PAK6: variants seen among roughly 807,000 people sequenced by gnomAD.
The protein encoded by PAK6 is serine/threonine-protein kinase PAK 6.
Under a neutral mutation model 60.8 loss-of-function variants are expected in PAK6, and 33 were observed. The observed-to-expected ratio is 0.54, with a 90% CI of 0.41 to 0.73. The LOEUF (loss-of-function observed/expected upper bound fraction) is 0.73, where lower values mean the gene tolerates loss of function less well. Ranked by LOEUF, PAK6 falls within the 30% of genes least tolerant of loss-of-function variation. The pLI is 0.00. For missense variants in PAK6, 845 were observed against 904.1 expected (o/e 0.93, Z 0.84); for synonymous variants, 404 against 378.5 (o/e 1.07, Z -0.78).
intron 2 of PAK6, among the ~76,000 whole-genome samples, chr15:40,248,298 C>T (rs2038552739): frequency 6.6e-6 from 1 of 152,174 alleles, no homozygotes; most frequent in African/African-American, 2.4e-5. Flanking sequence ...ATGGGTGGTC[C>T]CATCAGGGTG....
chr15:40,254,656 C>T (rs1435894355), intron 3 of PAK6, among the ~76,000 whole-genome samples: 1 of 152,212 alleles, frequency 6.6e-6, no homozygotes, highest in East Asian at 1.9e-4. Context: ...GGTCACTTGA[C>T]TTCTCTGGGC....
At chr15:40,242,069 C>T (rs1292884313) in intron 2 of PAK6, among the ~76,000 whole-genome samples, 1 of 152,142 alleles carries the variant, frequency 6.6e-6, no homozygotes, top group Non-Finnish European at 1.5e-5. Context: ...ACTAGGTAGA[C>T]AGCAGGCCAG....
At chr15:40,258,787 C>A (rs1595581917) in intron 3 of PAK6, 1 of 144,110 alleles carries the variant, frequency 6.9e-6, no homozygotes, top group African/African-American at 2.5e-5. Context: ...GGGCTGGACC[C>A]TTCCCTCCCA....
At chr15:40,252,584 G>A (rs1191599217) in intron 2 of PAK6, 11 of 1,357,138 alleles carry the variant, frequency 8.1e-6, no homozygotes, top group Non-Finnish European at 1.1e-5. Flanking sequence ...CTGCACCAAC[G>A]TGTAAGCGCG....
intron 2 of PAK6, among the ~76,000 whole-genome samples, chr15:40,248,270 T>G (rs1016522161): frequency 4.6e-5 from 7 of 152,090 alleles, no homozygotes; most frequent in Non-Finnish European, 1.0e-4. Context: ...TCCCTCTTGG[T>G]CCCATCAGCA....
chr15:40,272,681 A>G, exon 6 of PAK6: 2 of 1,602,174 alleles, frequency 1.2e-6, no homozygotes, highest in South Asian at 1.1e-5. Context: ...AAGATGATGG[A>G]CCTCAGGAAG....
intron 2 of PAK6, chr15:40,251,203 T>C (rs1019546317): frequency 6.6e-6 from 1 of 152,112 alleles, no homozygotes; most frequent in Non-Finnish European, 1.5e-5. Context: ...TAAATATGTG[T>C]TGGGGATGTT....
intron 3 of PAK6, among the ~76,000 whole-genome samples, chr15:40,255,233 G>A (rs1271311076): frequency 6.6e-6 from 1 of 151,984 alleles, no homozygotes; most frequent in African/African-American, 2.4e-5. Context: ...CACGCCTGTT[G>A]ACACAAGTGA....
In PAK6 at chr15:40,272,848, G is replaced by T. The variant is rs773389821; in HGVS notation, c.1357-18G>T. On this transcript the variant is annotated intron_variant, in intron 6 of 10. Transcript: ENST00000560346. ...TCTGGGCACTGTGCCTGGCACTCAG[G>T]CCCCCGCCTGCCCCCAGGTGGTGAT... 1.1e-5 allele frequency: 17 copies of T among 1,611,912 alleles called. No homozygotes were observed. Among genetic ancestry groups the T allele is most frequent in the African/African-American group, 1.3e-5 (1 of 75,030 alleles).
Position 40,267,379 on chromosome 15 carries a change from C to T in PAK6, c.858+884C>T, listed in dbSNP as rs531486713. 2.2e-3 allele frequency among the ~76,000 whole-genome samples: 329 copies of T among 152,282 alleles called. 1 individual carries two copies. Among genetic ancestry groups the T allele is most frequent in the Middle Eastern group, 0.02 (6 of 294 alleles). On this transcript the variant is annotated intron_variant, in intron 5 of 10. Coordinates refer to ENST00000560346, the Ensembl canonical transcript of PAK6. ...GTACTCAGAGAAAGTTCTGGGCGGC[C>T]GCGCGTGGTGGCTCACGTCTGTAGT... is the stretch of plus-strand genomic sequence containing the variant.
intron 2 of PAK6, among the ~76,000 whole-genome samples, chr15:40,241,184 C>T (rs1273472939): frequency 6.6e-6 from 1 of 152,222 alleles, no homozygotes; most frequent in Non-Finnish European, 1.5e-5. Flanking sequence ...TCTCCCCACC[C>T]CTGCTGCAGG....
intron 3 of PAK6, among the ~76,000 whole-genome samples, chr15:40,261,340 C>A (rs1453716799): frequency 6.6e-6 from 1 of 151,566 alleles, no homozygotes; most frequent in Non-Finnish European, 1.5e-5. Context: ...AGATCGAGAC[C>A]ATCCTGGCCA....
At chr15:40,256,241 T>A (rs1211898853) in intron 3 of PAK6, among the ~76,000 whole-genome samples, 1 of 152,188 alleles carries the variant, frequency 6.6e-6, no homozygotes, top group Non-Finnish European at 1.5e-5. Flanking sequence ...AAAATTTTTT[T>A]TTTGAAACAA....
At chr15:40,252,210 C>G in intron 2 of PAK6, 1 of 1,150,568 alleles carries the variant, frequency 8.7e-7, no homozygotes, top group Non-Finnish European at 1.1e-6. Flanking sequence ...CGCTCAGGTC[C>G]GGGAGAGTCG....
At chr15:40,274,786 G>A (rs897299347) in intron 10 of PAK6, among the ~76,000 whole-genome samples, 3 of 152,244 alleles carry the variant, frequency 2.0e-5, no homozygotes, top group African/African-American at 2.4e-5. Flanking sequence ...GCATGGAAGT[G>A]TATACATGTA....
chr15:40,244,218 C>T (rs2038435727), intron 2 of PAK6, among the ~76,000 whole-genome samples: 1 of 150,928 alleles, frequency 6.6e-6, no homozygotes, highest in South Asian at 2.1e-4. Context: ...GTAGTCCCAG[C>T]TACCCGGGAG....
chr15:40,259,079 G>A (rs2038914132), intron 3 of PAK6: 1 of 152,352 alleles, frequency 6.6e-6, no homozygotes, highest in Non-Finnish European at 1.5e-5. Flanking sequence ...GGCAGGGTCT[G>A]GCTCTCTGAG....
chr15:40,241,804 C>T (rs2140937317), intron 2 of PAK6, among the ~76,000 whole-genome samples: 1 of 152,328 alleles, frequency 6.6e-6, no homozygotes, highest in African/African-American at 2.4e-5. Flanking sequence ...CCGCTCTGTG[C>T]ACAACTCCTA....
At chr15:40,264,224 A>T (rs999801996) in intron 3 of PAK6, among the ~76,000 whole-genome samples, 8 of 145,226 alleles carry the variant, frequency 5.5e-5, no homozygotes, top group African/African-American at 7.5e-5. Context: ...GAGTTGTAAT[A>T]AAAAAAAAAA....
Sources: gnomAD v4.1 joint callset for allele counts (sites outside exome capture counted in the v4.1 genomes callset) on GRCh38, gnomAD v4.1.1 for gene constraint, MANE v1.5 for transcripts, NCBI Gene and HGNC (gene_info 2026-07-23, HGNC 2026-07-21) for gene names.